Variants in STK32B observed in about 807,000 individuals in gnomAD.
STK32B encodes serine/threonine kinase 32B.
A neutral mutation model predicts 52.6 loss-of-function variants in STK32B; 43 were observed. The ratio of observed to expected loss-of-function variants is 0.82; its 90% CI spans 0.64 to 1.05. The LOEUF (loss-of-function observed/expected upper bound fraction) is 1.05. STK32B is among the 50% of genes least tolerant of loss of function. The pLI, the probability that STK32B is intolerant of heterozygous loss-of-function variation, is 0.00. For synonymous variants in STK32B, 238 were observed against 204.3 expected (o/e 1.17, Z -1.41); for missense variants, 621 against 534.6 (o/e 1.16, Z -1.59).
At chr4:5,264,836 A>G (rs1726961896) in intron 3 of STK32B, among the ~76,000 whole-genome samples, 1 of 152,096 alleles carries the variant, frequency 6.6e-6, no homozygotes, top group Admixed American at 6.5e-5. Flanking sequence ...TATATTCCTG[A>G]TGAAAGTTCT....
chr4:5,350,231 A>C (rs1431104885), intron 4 of STK32B, among the ~76,000 whole-genome samples: 1 of 152,236 alleles, frequency 6.6e-6, no homozygotes, highest in Non-Finnish European at 1.5e-5. Context: ...CTAGTCACTT[A>C]TAAAGGACTT....
At chr4:5,190,683 G>A (rs1025915501) in intron 3 of STK32B, among the ~76,000 whole-genome samples, 3 of 152,180 alleles carry the variant, frequency 2.0e-5, no homozygotes, top group South Asian at 2.1e-4. Flanking sequence ...TCAGAATTCC[G>A]GCCGGTGTGA....
chr4:5,494,124 T>C (rs1719989427), intron 11 of STK32B, among the ~76,000 whole-genome samples: 1 of 152,198 alleles, frequency 6.6e-6, no homozygotes, highest in Non-Finnish European at 1.5e-5. Context: ...GTTCAATTCC[T>C]GGGTATCTTT....
chr4:5,165,947 C>T (rs1008499439), intron 2 of STK32B, among the ~76,000 whole-genome samples: 3 of 152,298 alleles, frequency 2.0e-5, no homozygotes, highest in Admixed American at 6.5e-5. Flanking sequence ...ACTTCCTGCT[C>T]CTGTTTGGTT....
At chr4:5,224,565 G>A (rs951168232) in intron 3 of STK32B, among the ~76,000 whole-genome samples, 5 of 152,114 alleles carry the variant, frequency 3.3e-5, no homozygotes, top group East Asian at 1.9e-4. Context: ...ATTTGCTGCT[G>A]GTCTTTTCCT....
intron 1 of STK32B, among the ~76,000 whole-genome samples, chr4:5,096,794 G>T (rs1033666604): frequency 8.5e-5 from 13 of 152,124 alleles, no homozygotes; most frequent in African/African-American, 2.7e-4. Flanking sequence ...ACTGCCAACC[G>T]GCAAAAAGAA....
intron 4 of STK32B, among the ~76,000 whole-genome samples, chr4:5,370,845 T>C (rs1735178652): frequency 6.6e-6 from 1 of 151,904 alleles, no homozygotes. Flanking sequence ...TGGTGGTGCA[T>C]GCCTGTAGTC....
chr4:5,344,619 T>G (rs1272096718), intron 4 of STK32B, among the ~76,000 whole-genome samples: 1 of 152,218 alleles, frequency 6.6e-6, no homozygotes, highest in Non-Finnish European at 1.5e-5. Context: ...TTCTTTATTA[T>G]TGAAGTGAAT....
At position 5,467,846 on chromosome 4, in the gene STK32B, C is replaced by T. The variant is rs1363875260; in HGVS notation, c.1042-160C>T. On this transcript the variant is annotated intron_variant, in intron 10 of 11. Transcript: ENST00000282908. The surrounding 1 kb of genome is among the most constrained non-coding windows in gnomAD (Gnocchi z 5.8). ...CAGGCTACCTTTGGACACAGCCACC[C>T]ATGCAGTCAGGGTCAGCCCCAGACA... Among the ~76,000 whole-genome samples, 1 of 152,200 alleles carries T rather than the reference C, an allele frequency of 6.6e-6. No homozygotes were observed. The highest frequency in any genetic ancestry group is 1.5e-5 in the Non-Finnish European group (1 of 68,042).
At chr4:5,244,882 C>A (rs1256161561) in intron 3 of STK32B, among the ~76,000 whole-genome samples, 2 of 152,102 alleles carry the variant, frequency 1.3e-5, no homozygotes, top group African/African-American at 2.4e-5. Context: ...TGTAGTTGAG[C>A]GGTTTTGAGT....
chr4:5,187,700 T>A (rs1410580068), intron 3 of STK32B, among the ~76,000 whole-genome samples: 2 of 152,126 alleles, frequency 1.3e-5, no homozygotes, highest in East Asian at 3.9e-4. Context: ...AAACTAACAA[T>A]ATGGTGTCAG....
intron 7 of STK32B, among the ~76,000 whole-genome samples, chr4:5,450,657 A>G (rs1715907865): frequency 6.6e-6 from 1 of 152,256 alleles, no homozygotes; most frequent in Admixed American, 6.5e-5. Flanking sequence ...CTGAATATTC[A>G]GAATCCGTTT....
intron 1 of STK32B, among the ~76,000 whole-genome samples, chr4:5,105,668 A>G (rs1366709966): frequency 1.3e-5 from 2 of 151,648 alleles, no homozygotes; most frequent in Non-Finnish European, 2.9e-5. Context: ...GGTTCACGCC[A>G]TTCTCCTGCC....
At chr4:5,437,861 G>C (rs1268093880) in intron 6 of STK32B, 1 of 964,880 alleles carries the variant, frequency 1.0e-6, no homozygotes, top group African/African-American at 1.8e-5. Context: ...CTGGGATTCT[G>C]AACAGCCAAT....
At chr4:5,065,589 T>C (rs760575890) in intron 1 of STK32B, among the ~76,000 whole-genome samples, 6 of 152,184 alleles carry the variant, frequency 3.9e-5, no homozygotes, top group Non-Finnish European at 8.8e-5. Flanking sequence ...TGTGCCTTGA[T>C]TGGCAATGCC....
intron 1 of STK32B, among the ~76,000 whole-genome samples, chr4:5,098,105 A>G (rs187654179): frequency 3.3e-5 from 5 of 152,342 alleles, no homozygotes; most frequent in Admixed American, 3.3e-4. Flanking sequence ...ATTATATTTT[A>G]TTGGTCAAAT....
chr4:5,482,680 T>TG (rs1718816990), intron 11 of STK32B, among the ~76,000 whole-genome samples: 1 of 152,230 alleles, frequency 6.6e-6, no homozygotes, highest in African/African-American at 2.4e-5. Flanking sequence ...TCAAAGGGAA[T>TG]GCTTCCAGTT....
At chr4:5,458,901 G>A (rs10017046) in intron 8 of STK32B, 14,355 of 152,176 alleles carry the variant, frequency 0.094, 1,043 homozygotes, top group East Asian at 0.39. Flanking sequence ...GTTCTTATAA[G>A]TCAGTGTCTC....
At chr4:5,464,617 C>G (rs1415119924) in intron 9 of STK32B, among the ~76,000 whole-genome samples, 1 of 152,218 alleles carries the variant, frequency 6.6e-6, no homozygotes, top group East Asian at 1.9e-4. Flanking sequence ...GCCAACAGGT[C>G]TGAGCGTGTT....
Sources: allele counts gnomAD v4.1 joint callset (sites outside exome capture counted in the v4.1 genomes callset), GRCh38; gene constraint gnomAD v4.1.1; non-coding constraint Gnocchi (gnomAD v3.1); transcripts MANE v1.5; gene names NCBI Gene and HGNC (gene_info 2026-07-23, HGNC 2026-07-21).